RAPH1: variants seen among roughly 807,000 people sequenced by gnomAD.
The protein encoded by RAPH1 is ras-associated and pleckstrin homology domains-containing protein 1.
Under a neutral mutation model 88.1 loss-of-function variants are expected in RAPH1, and 18 were observed. The observed-to-expected ratio is 0.20, with a 90% CI of 0.14 to 0.30. The LOEUF (loss-of-function observed/expected upper bound fraction) is 0.30, where lower values mean the gene tolerates loss of function less well. RAPH1 is among the 10% of genes least tolerant of loss of function. The probability of loss-of-function intolerance (pLI) is 1.00; values close to 1 mark genes in which losing one functional copy is unlikely to be tolerated. For missense variants in RAPH1, 1,448 were observed against 1,543.2 expected, an observed-to-expected ratio of 0.94 and a Z score of 1.03; for synonymous variants, 587 against 559.0, an observed-to-expected ratio of 1.05 and a Z score of -0.71.
chr2:203,492,752 C>T (rs1369476896), intron 2 of RAPH1, among the ~76,000 whole-genome samples: 1 of 149,512 alleles, frequency 6.7e-6, no homozygotes, highest in African/African-American at 2.5e-5. Flanking sequence ...ATGCTGGATA[C>T]TCTATGTGTT....
intron 4 of RAPH1, among the ~76,000 whole-genome samples, chr2:203,477,789 C>T (rs1687530838): frequency 1.3e-5 from 2 of 152,108 alleles, no homozygotes; most frequent in Non-Finnish European, 2.9e-5. Context: ...GTCTCTGATA[C>T]TCAACTAATC....
At chr2:203,468,773 G>T (rs1306044124) in intron 4 of RAPH1, among the ~76,000 whole-genome samples, 1 of 152,160 alleles carries the variant, frequency 6.6e-6, no homozygotes, top group Non-Finnish European at 1.5e-5. Flanking sequence ...GTATAAAATG[G>T]ATTGGAAGGG....
chr2:203,495,416 C>T, intron 1 of RAPH1, 63 bp from the exon 2 acceptor site: 2 of 1,535,884 alleles, frequency 1.3e-6, no homozygotes, highest in Non-Finnish European at 1.8e-6. Context: ...AAAAATTATG[C>T]CATATATGCT....
chr2:203,469,209 C>CGAAGAGG (rs1213983340), intron 4 of RAPH1, among the ~76,000 whole-genome samples: 1 of 151,744 alleles, frequency 6.6e-6, no homozygotes, highest in African/African-American at 2.4e-5. Flanking sequence ...AAATAGAGAA[C>CGAAGAGG]GAAGAGGGAA....
At chr2:203,441,936 T>C in intron 13 of RAPH1, 1 of 1,379,982 alleles carries the variant, frequency 7.2e-7, no homozygotes. Context: ...CAGGAGAGTA[T>C]GAGAATGTTG....
At chr2:203,460,191 T>G (rs939751327) in intron 6 of RAPH1, among the ~76,000 whole-genome samples, 163 bp from the exon 7 acceptor site, 13 of 152,188 alleles carry the variant, frequency 8.5e-5, no homozygotes, top group African/African-American at 3.1e-4. Flanking sequence ...CAAAGAAATA[T>G]GCCTTAATTA....
chr2:203,447,919 T>C (rs552961758), intron 12 of RAPH1, 40 bp downstream of exon 12: 3 of 1,610,820 alleles, frequency 1.9e-6, no homozygotes, highest in Middle Eastern at 1.7e-4. Flanking sequence ...GAGACCTTCA[T>C]ATTAATCGCA....
chr2:203,533,563 A>C (rs1418499337), intron 1 of RAPH1: 2 of 151,710 alleles, frequency 1.3e-5, no homozygotes, highest in African/African-American at 2.4e-5. Context: ...TCCCCATCTG[A>C]ATCTGCTGAA....
chr2:203,522,558 A>C (rs1365542334), intron 1 of RAPH1, among the ~76,000 whole-genome samples: 1 of 152,186 alleles, frequency 6.6e-6, no homozygotes, highest in Non-Finnish European at 1.5e-5. Context: ...AACTGACAAG[A>C]GTATTCTAAA....
rs1488308709 is a variant in RAPH1 at position 203,434,056 on chromosome 2, C to CTATCTATCTATATATA, written c.*5380_*5381insTATATATAGATAGATA. The stretch of plus-strand genomic sequence containing the variant: ...CTCTCTCATATATCTATCTATCTAT[C>CTATCTATCTATATATA]TATATATATATATATATATATATAG... On this transcript the variant is annotated 3_prime_UTR_variant, in exon 14 of 14. Transcript: ENST00000319170. 14 of 145,688 alleles carry CTATCTATCTATATATA rather than the reference C, an allele frequency of 9.6e-5. No individual in the cohort carries two copies. Among genetic ancestry groups the CTATCTATCTATATATA allele is most frequent in the African/African-American group, 3.3e-4 (13 of 39,312 alleles). 9.0% of individuals were successfully genotyped at this position (145,688 alleles called of 1,614,324 possible).
At chr2:203,502,717 G>A (rs1412429085) in intron 1 of RAPH1, among the ~76,000 whole-genome samples, 2 of 151,948 alleles carry the variant, frequency 1.3e-5, no homozygotes, top group Non-Finnish European at 1.5e-5. Flanking sequence ...CTACTCGGGA[G>A]GCTGAGGCAG....
chr2:203,496,527 A>G (rs967578014), intron 1 of RAPH1, among the ~76,000 whole-genome samples: 1 of 152,228 alleles, frequency 6.6e-6, no homozygotes, highest in Middle Eastern at 3.2e-3. Context: ...AATAAACACT[A>G]GCTTTGCTTA....
intron 1 of RAPH1, among the ~76,000 whole-genome samples, chr2:203,514,273 G>A (rs1350588701): frequency 6.6e-6 from 1 of 152,214 alleles, no homozygotes; most frequent in Non-Finnish European, 1.5e-5. Context: ...ACAGCTATCT[G>A]CTCTGCCCTA....
intron 4 of RAPH1, among the ~76,000 whole-genome samples, chr2:203,475,053 G>A (rs1426125775): frequency 6.6e-6 from 1 of 152,208 alleles, no homozygotes; most frequent in African/African-American, 2.4e-5. Flanking sequence ...AGAGATTGCA[G>A]TGAGCCGAGA....
chr2:203,461,935 C>T lies in RAPH1; in HGVS notation c.733-10G>A, dbSNP rs778319791. The T allele has an allele frequency of 3.1e-6, 5 of 1,600,994 alleles. No homozygotes were observed. The Admixed American group carries it at 8.5e-5, about 27-fold the overall frequency. ...TTGCTGCCTGTTCTTCCTGTGAACACAAAGCATTTCAGATAAACAATGCTA... is the reference window on the plus strand; with the variant it reads ...TTGCTGCCTGTTCTTCCTGTGAACATAAAGCATTTCAGATAAACAATGCTA... On this transcript the variant is annotated splice_polypyrimidine_tract_variant and intron_variant, in intron 4 of 13. Coordinates refer to ENST00000319170, the MANE Select transcript of RAPH1 (RefSeq NM_213589.3).
intron 2 of RAPH1, among the ~76,000 whole-genome samples, chr2:203,494,104 A>G (rs1688403418): frequency 6.6e-6 from 1 of 151,882 alleles, no homozygotes; most frequent in African/African-American, 2.4e-5. Flanking sequence ...CGAAGAGTTT[A>G]TCACTTTGAA....
At chr2:203,530,101 A>G (rs1690323601) in intron 1 of RAPH1, among the ~76,000 whole-genome samples, 1 of 152,226 alleles carries the variant, frequency 6.6e-6, no homozygotes, top group African/African-American at 2.4e-5. Flanking sequence ...ACTTTTCAAA[A>G]AGCCAATTTA....
intron 4 of RAPH1, among the ~76,000 whole-genome samples, chr2:203,463,481 A>C (rs1241516616): frequency 2.0e-5 from 3 of 152,168 alleles, no homozygotes; most frequent in Non-Finnish European, 4.4e-5. Context: ...GTCTCCCATC[A>C]TTTCAAGCTT....
rs753798002 is a variant in RAPH1, at chr2:203,489,690, T to C, written c.626A>G (p.His209Arg). The change falls in exon 4 of 14, where the codon CAT (histidine) becomes CGT (arginine). Residue 209 changes from histidine (H) to arginine (R), a missense_variant. Physicochemically the swap from His to Arg is conservative, Grantham distance 29 (BLOSUM62 0). Around this residue, in one of 2 missense-constraint regions of RAPH1, gnomAD observed 513 missense variants for 653.1 expected, o/e 0.79. Coordinates refer to ENST00000319170, the MANE Select transcript of RAPH1 (RefSeq NM_213589.3). ...AEVHSISNSS[H>R]SSITSAASSM... is the part of the protein sequence containing the mutation. ...GGAGGCTGCGGAAGTGATGCTGGAA[T>C]GGGAGGAATTACTAATAGAGTGTAC... The C allele has an allele frequency of 1.2e-6, 2 of 1,614,004 alleles. No homozygotes were observed. The highest frequency in any genetic ancestry group is 3.3e-5 in the Admixed American group (2 of 59,984).
Sources: gnomAD v4.1 joint callset for allele counts (sites outside exome capture counted in the v4.1 genomes callset) on GRCh38, gnomAD v4.1.1 for gene constraint, gnomAD v4.1.1 regional missense constraint, MANE v1.5 for transcripts, NCBI Gene and HGNC (gene_info 2026-07-23, HGNC 2026-07-21) for gene names.